Variants in ZNG1C observed in about 807,000 individuals in gnomAD.
The protein encoded by ZNG1C is Zn regulated GTPase metalloprotein activator 1C.
the ZNG1C span, among the ~76,000 whole-genome samples, chr9:68,255,716 A>G: frequency 6.7e-6 from 1 of 149,818 alleles, no homozygotes; most frequent in Non-Finnish European, 1.5e-5. Context: ...TTTTTAAATG[A>G]CTTATTGTTT....
chr9:68,270,944 A>T, the ZNG1C span: 50 of 147,404 alleles, frequency 3.4e-4, 1 homozygote, highest in Admixed American at 3.3e-3. Flanking sequence ...AGTCAAAGTC[A>T]CTCTTATAGA....
At chr9:68,247,119 T>TGATG in the ZNG1C span, among the ~76,000 whole-genome samples, 1 of 152,208 alleles carries the variant, frequency 6.6e-6, no homozygotes, top group Non-Finnish European at 1.5e-5. Context: ...AATGAGCACA[T>TGATG]GGTACACTGG....
At chr9:68,276,421 G>T in the ZNG1C span, among the ~76,000 whole-genome samples, 1 of 96,142 alleles carries the variant, frequency 1.0e-5, no homozygotes, top group African/African-American at 3.9e-5. Flanking sequence ...TTTCTTCTAG[G>T]GTTTTTATGG....
the ZNG1C span, among the ~76,000 whole-genome samples, chr9:68,256,006 C>G: frequency 1.3e-5 from 2 of 152,186 alleles, no homozygotes; most frequent in Non-Finnish European, 1.5e-5. Context: ...ACCATTAGAT[C>G]TTGTGGCCCT....
chr9:68,273,848 T>TTTTTTC, the ZNG1C span: 1 of 31,696 alleles, frequency 3.2e-5, no homozygotes, highest in African/African-American at 8.4e-5. Flanking sequence ...CTTTTTTTTT[T>TTTTTTC]TTTTTTCTTT....
chr9:68,279,612 CT>C, the ZNG1C span, among the ~76,000 whole-genome samples: 1 of 139,888 alleles, frequency 7.1e-6, no homozygotes, highest in Non-Finnish European at 1.5e-5. Context: ...AAATTCTTTT[CT>C]TTAAGAATGT....
At chr9:68,260,036 A>C in the ZNG1C span, among the ~76,000 whole-genome samples, 7,591 of 144,932 alleles carry the variant, frequency 0.052, no homozygotes, top group South Asian at 0.12. Flanking sequence ...GAATCAAAGA[A>C]TGATCCCAAA....
At chr9:68,247,431 A>G in the ZNG1C span, among the ~76,000 whole-genome samples, 6 of 151,530 alleles carry the variant, frequency 4.0e-5, no homozygotes, top group Non-Finnish European at 5.9e-5. Context: ...CATCTTAAAT[A>G]AAAGCTAAAA....
chr9:68,271,972 G>T, the ZNG1C span, among the ~76,000 whole-genome samples: 1 of 149,090 alleles, frequency 6.7e-6, no homozygotes, highest in Non-Finnish European at 1.5e-5. Flanking sequence ...ACTGGGGAAG[G>T]CTTTTGGAAA....
At chr9:68,276,294 A>G in the ZNG1C span, among the ~76,000 whole-genome samples, 1 of 131,998 alleles carries the variant, frequency 7.6e-6, no homozygotes, top group African/African-American at 2.9e-5. Context: ...GCTGTGCAGA[A>G]GCTGTTTAGT....
the ZNG1C span, among the ~76,000 whole-genome samples, chr9:68,244,533 A>G: frequency 7.9e-6 from 1 of 127,286 alleles, no homozygotes; most frequent in Non-Finnish European, 1.7e-5. Context: ...CCTACATGTA[A>G]AAGTTTTTAG....
At chr9:68,296,546 T>A in the ZNG1C span, among the ~76,000 whole-genome samples, 2 of 152,292 alleles carry the variant, frequency 1.3e-5, no homozygotes, top group Non-Finnish European at 2.9e-5. Flanking sequence ...TAGTTTTTGG[T>A]CTTTTTGTAT....
chr9:68,275,315 G>GT, the ZNG1C span, among the ~76,000 whole-genome samples: 24 of 142,480 alleles, frequency 1.7e-4, no homozygotes, highest in Middle Eastern at 6.9e-3. Context: ...TTTTTCTTGA[G>GT]TTTTTTTTTA....
At chr9:68,266,732 A>G in the ZNG1C span, among the ~76,000 whole-genome samples, 2 of 131,658 alleles carry the variant, frequency 1.5e-5, no homozygotes, top group Admixed American at 7.5e-5. Context: ...TTTTTAATTT[A>G]TTCTATAGAG....
At chr9:68,283,627 CT>C in the ZNG1C span, among the ~76,000 whole-genome samples, 24 of 31,672 alleles carry the variant, frequency 7.6e-4, no homozygotes, top group Admixed American at 1.6e-3. Context: ...ATTTGCCTTT[CT>C]TTTTTTTTTT....
the ZNG1C span, among the ~76,000 whole-genome samples, chr9:68,267,188 C>A: frequency 6.6e-6 from 1 of 152,260 alleles, no homozygotes; most frequent in Non-Finnish European, 1.5e-5. Context: ...GTTCTACTGA[C>A]TAGATTTTCA....
chr9:68,264,855 A>ATATATATATATATG, the ZNG1C span, among the ~76,000 whole-genome samples: 90 of 72,172 alleles, frequency 1.2e-3, no homozygotes, highest in African/African-American at 3.4e-3. Context: ...ATATATATAT[A>ATATATATATATATG]TGTATAATAA....
the ZNG1C span, chr9:68,300,005 GACTGTT>G: frequency 1.3e-5 from 2 of 155,514 alleles, no homozygotes; most frequent in Non-Finnish European, 2.9e-5. Context: ...AAAAGGTTAT[GACTGTT>G]ATTGATGTTG....
At chr9:68,292,099 G>T in the ZNG1C span, among the ~76,000 whole-genome samples, 2 of 152,214 alleles carry the variant, frequency 1.3e-5, no homozygotes, top group South Asian at 4.1e-4. Flanking sequence ...CTACAGCTCA[G>T]CTCTCAGGAA....
Sources: gnomAD v4.1 joint callset for allele counts (sites outside exome capture counted in the v4.1 genomes callset) on GRCh38, gnomAD v4.1.1 for gene constraint, MANE v1.5 for transcripts, NCBI Gene and HGNC (gene_info 2026-07-23, HGNC 2026-07-21) for gene names.